The following CEP112 variants were observed in gnomAD, a reference collection of about 807,000 sequenced individuals.
CEP112 encodes the protein centrosomal protein 112.
Under a neutral mutation model 153.0 loss-of-function variants are expected in CEP112, and 127 were observed. The ratio of observed to expected loss-of-function variants is 0.83; its 90% CI spans 0.72 to 0.96. CEP112 has a LOEUF of 0.96. CEP112 is among the 40% of genes least tolerant of loss of function. The pLI is 0.00. For synonymous variants in CEP112, 358 were observed against 374.4 expected (o/e 0.96, Z 0.51); for missense variants, 1,089 against 1,101.2 (o/e 0.99, Z 0.16).
intron 24 of CEP112, among the ~76,000 whole-genome samples, chr17:65,656,221 T>C (rs999736266): frequency 1.3e-5 from 2 of 152,216 alleles, no homozygotes; most frequent in Non-Finnish European, 2.9e-5. Flanking sequence ...ACTTTCCCCA[T>C]TGATGTCATT....
chr17:66,085,587 TG>T (rs2067891093), intron 8 of CEP112, among the ~76,000 whole-genome samples: 1 of 152,158 alleles, frequency 6.6e-6, no homozygotes, highest in Non-Finnish European at 1.5e-5. Flanking sequence ...TCATAAAACA[TG>T]ATGTATCAGT....
At chr17:66,055,266 G>A (rs1462538824) in intron 11 of CEP112, among the ~76,000 whole-genome samples, 1 of 152,188 alleles carries the variant, frequency 6.6e-6, no homozygotes, top group African/African-American at 2.4e-5. Context: ...TAGCTGAATA[G>A]GAAGAATGAG....
intron 2 of CEP112, among the ~76,000 whole-genome samples, chr17:66,179,518 T>C (rs560801085): frequency 2.6e-5 from 4 of 152,296 alleles, no homozygotes; most frequent in East Asian, 3.9e-4. Flanking sequence ...GACATGTTAC[T>C]GATTTTTGTA....
intron 20 of CEP112, among the ~76,000 whole-genome samples, chr17:65,865,478 T>C (rs1247617905): frequency 2.0e-5 from 3 of 152,232 alleles, no homozygotes; most frequent in African/African-American, 7.2e-5. Flanking sequence ...ATAATACTGA[T>C]GGCAGCAATG....
At chr17:65,703,876 G>T (rs141777370) in intron 23 of CEP112, among the ~76,000 whole-genome samples, 3 of 151,196 alleles carry the variant, frequency 2.0e-5, no homozygotes, top group African/African-American at 7.3e-5. Context: ...TAATGATTCC[G>T]AAGGCTTCCC....
At chr17:65,737,541 C>T (rs992470853) in intron 23 of CEP112, among the ~76,000 whole-genome samples, 2 of 152,158 alleles carry the variant, frequency 1.3e-5, no homozygotes, top group African/African-American at 2.4e-5. Flanking sequence ...AAATTGGGAT[C>T]ATTACAAACT....
At chr17:65,951,786 T>G (rs552366052) in intron 18 of CEP112, among the ~76,000 whole-genome samples, 202 of 145,120 alleles carry the variant, frequency 1.4e-3, no homozygotes, top group Middle Eastern at 3.5e-3. Context: ...GCTTTGCTTT[T>G]CTTTTTCTGG....
chr17:65,714,336 T>C (rs988059533), intron 23 of CEP112, among the ~76,000 whole-genome samples: 1 of 152,228 alleles, frequency 6.6e-6, no homozygotes, highest in Non-Finnish European at 1.5e-5. Context: ...TTCTGGGCTG[T>C]GATAACCCAA....
intron 22 of CEP112, among the ~76,000 whole-genome samples, chr17:65,750,340 T>C (rs2051743709): frequency 6.6e-6 from 1 of 152,216 alleles, no homozygotes; most frequent in Non-Finnish European, 1.5e-5. Flanking sequence ...GGTGTGTATC[T>C]CCTGTCCTTG....
At chr17:65,746,171 A>C (rs2051445924) in intron 22 of CEP112, among the ~76,000 whole-genome samples, 1 of 149,620 alleles carries the variant, frequency 6.7e-6, no homozygotes, top group Non-Finnish European at 1.5e-5. Context: ...ATCTCAAAAA[A>C]AAAAAAAAAA....
intron 17 of CEP112, among the ~76,000 whole-genome samples, chr17:66,003,223 G>T (rs11079620): frequency 1 from 152,009 of 152,348 alleles, 75,837 homozygotes; most frequent in Non-Finnish European, 1. Flanking sequence ...TATTTAACAT[G>T]CTAAAATATC....
At chr17:65,896,609 C>G (rs749164425) in intron 20 of CEP112, among the ~76,000 whole-genome samples, 1 of 151,938 alleles carries the variant, frequency 6.6e-6, no homozygotes, top group East Asian at 1.9e-4. Flanking sequence ...TTATTGCATA[C>G]TAATGAAACA....
At chr17:65,859,053 C>T (rs780777862) in intron 20 of CEP112, among the ~76,000 whole-genome samples, 4 of 151,984 alleles carry the variant, frequency 2.6e-5, no homozygotes, top group Non-Finnish European at 4.4e-5. Context: ...TTAATTTTAC[C>T]TTAATTTTAT....
At chr17:65,885,692 T>A (rs2059251331) in intron 20 of CEP112, among the ~76,000 whole-genome samples, 1 of 152,246 alleles carries the variant, frequency 6.6e-6, no homozygotes, top group African/African-American at 2.4e-5. Context: ...GTGATATTTC[T>A]GACTAAGACT....
At chr17:65,770,242 C>G (rs891207025) in intron 21 of CEP112, among the ~76,000 whole-genome samples, 7 of 151,638 alleles carry the variant, frequency 4.6e-5, no homozygotes, top group Non-Finnish European at 7.4e-5. Flanking sequence ...AATATAAAAT[C>G]TTATAAGAAG....
chr17:65,854,429 T>C (rs746628), intron 20 of CEP112, among the ~76,000 whole-genome samples: 58,603 of 152,058 alleles, frequency 0.39, 12,109 homozygotes, highest in East Asian at 0.79. Flanking sequence ...TTGTGTTCAG[T>C]ATACATTAGC....
At chr17:65,971,875 CAA>C (rs1457326025) in intron 17 of CEP112, among the ~76,000 whole-genome samples, 2 of 152,102 alleles carry the variant, frequency 1.3e-5, no homozygotes, top group Non-Finnish European at 2.9e-5. Context: ...CAACAGGAAA[CAA>C]ATGCTGAAAA....
intron 24 of CEP112, among the ~76,000 whole-genome samples, chr17:65,660,572 T>G (rs1340142944): frequency 1.0e-5 from 1 of 98,808 alleles, no homozygotes; most frequent in Non-Finnish European, 1.9e-5. Context: ...TCAGACAGGT[T>G]CTCACTCTGT....
At chr17:66,001,787 G>A (rs377589296) in intron 17 of CEP112, among the ~76,000 whole-genome samples, 4 of 152,112 alleles carry the variant, frequency 2.6e-5, no homozygotes, top group African/African-American at 7.2e-5. Context: ...TAACTCCTCC[G>A]AAAATACTAT....
Sources: gnomAD v4.1 joint callset for allele counts (sites outside exome capture counted in the v4.1 genomes callset) on GRCh38, gnomAD v4.1.1 for gene constraint, MANE v1.5 for transcripts, NCBI Gene and HGNC (gene_info 2026-07-23, HGNC 2026-07-21) for gene names.